The following GRIK1 variants were observed in gnomAD, a reference collection of about 807,000 sequenced individuals.
GRIK1 encodes the protein glutamate ionotropic receptor kainate type subunit 1.
In GRIK1, 69 loss-of-function variants were observed where a neutral mutation model predicts 105.7. The ratio of observed to expected loss-of-function variants is 0.65; its 90% CI spans 0.54 to 0.80. GRIK1 has a LOEUF of 0.80. GRIK1 is among the 30% of genes least tolerant of loss of function. The probability of loss-of-function intolerance (pLI) is 0.00; values close to 1 mark genes in which losing one functional copy is unlikely to be tolerated. For missense variants in GRIK1, 1,109 were observed against 1,167.3 expected (o/e 0.95, Z 0.73); for synonymous variants, 438 against 431.3 (o/e 1.02, Z -0.19).
intron 1 of GRIK1, among the ~76,000 whole-genome samples, chr21:29,908,964 A>G (rs998371605): frequency 6.6e-6 from 1 of 152,214 alleles, no homozygotes; most frequent in East Asian, 1.9e-4. Context: ...CATATGAACA[A>G]ACTAAGTAAA....
intron 3 of GRIK1, among the ~76,000 whole-genome samples, chr21:29,685,376 G>C (rs2063469088): frequency 6.6e-6 from 1 of 151,980 alleles, no homozygotes; most frequent in Non-Finnish European, 1.5e-5. Flanking sequence ...AGAGAAGAGA[G>C]ACAGGCAAAA....
intron 1 of GRIK1, among the ~76,000 whole-genome samples, chr21:29,729,310 G>A (rs1340646520): frequency 6.6e-6 from 1 of 152,008 alleles, no homozygotes; most frequent in Non-Finnish European, 1.5e-5. Flanking sequence ...CAGCAGAAAA[G>A]TCAAAAAAAG....
Position 29,537,224 on chromosome 21 carries a change from C to G in GRIK1, c.*6G>C. 10 of 1,580,080 alleles carry G rather than the reference C, an allele frequency of 6.3e-6. No individual in the cohort carries two copies. Among genetic ancestry groups the G allele is most frequent in the Non-Finnish European group, 8.6e-6 (10 of 1,168,142 alleles). On this transcript the variant is annotated 3_prime_UTR_variant, in exon 18 of 18. Coordinates refer to ENST00000327783, the MANE Select transcript of GRIK1 (RefSeq NM_001330994.2). ...TCCTTTTTCTTCCTACAGGCGTTTC[C>G]TTGGATCACGCCACAGTCTCTTTTC...
At chr21:29,734,822 C>G (rs944757111) in intron 1 of GRIK1, among the ~76,000 whole-genome samples, 1 of 152,146 alleles carries the variant, frequency 6.6e-6, no homozygotes, top group Non-Finnish European at 1.5e-5. Context: ...ACTAATTCCC[C>G]ACCATTTTGC....
rs1432148094 is a variant in GRIK1 at position 29,681,923 on chromosome 21, C to T, written c.544+7805G>A. ...GCATCACGATGGGACAGTGCAGTGG[C>T]AATTTGTGTTTTAGAAAAGCAATTT... On this transcript the variant is annotated intron_variant, in intron 3 of 17. Coordinates refer to ENST00000327783, the MANE Select transcript of GRIK1 (RefSeq NM_001330994.2). Among the ~76,000 whole-genome samples, 4 of 152,156 alleles carry T rather than the reference C, an allele frequency of 2.6e-5. No individual in the cohort carries two copies. In the East Asian group the frequency reaches 7.7e-4, roughly 29 times the overall value.
intron 1 of GRIK1, among the ~76,000 whole-genome samples, chr21:29,925,261 G>A (rs975826535): frequency 1.3e-5 from 2 of 152,108 alleles, no homozygotes; most frequent in African/African-American, 2.4e-5. Flanking sequence ...ATTTGTTTAA[G>A]CAACCAGACC....
chr21:29,753,657 A>G (rs1288566667), intron 1 of GRIK1, among the ~76,000 whole-genome samples: 1 of 152,216 alleles, frequency 6.6e-6, no homozygotes, highest in Non-Finnish European at 1.5e-5. Flanking sequence ...CTAGAGTATA[A>G]AAGCAGATAC....
At chr21:29,817,033 T>A (rs2067172640) in intron 1 of GRIK1, among the ~76,000 whole-genome samples, 1 of 152,106 alleles carries the variant, frequency 6.6e-6, no homozygotes, top group African/African-American at 2.4e-5. Context: ...CATCAAAATA[T>A]CAGATGTACC....
intron 1 of GRIK1, among the ~76,000 whole-genome samples, chr21:29,867,481 C>G (rs1368412877): frequency 6.6e-6 from 1 of 151,978 alleles, no homozygotes; most frequent in Non-Finnish European, 1.5e-5. Flanking sequence ...CTTCATTATT[C>G]CATCACCACG....
intron 3 of GRIK1, among the ~76,000 whole-genome samples, chr21:29,676,070 C>A (rs1158938793): frequency 6.6e-6 from 1 of 152,304 alleles, no homozygotes; most frequent in Admixed American, 6.5e-5. Context: ...ATATGACCAT[C>A]AACTTTTACA....
At chr21:29,655,404 G>A (rs953380133) in intron 4 of GRIK1, among the ~76,000 whole-genome samples, 7 of 149,670 alleles carry the variant, frequency 4.7e-5, no homozygotes, top group African/African-American at 7.4e-5. Flanking sequence ...GGGAAACTCC[G>A]TCTCAAAAAA....
At chr21:29,724,226 ATT>A (rs764957086) in intron 1 of GRIK1, among the ~76,000 whole-genome samples, 3 of 152,216 alleles carry the variant, frequency 2.0e-5, no homozygotes, top group Non-Finnish European at 2.9e-5. Context: ...AATGTCCCAA[ATT>A]TTGCAACTGA....
rs531753585 is a variant in GRIK1, at chr21:29,563,651, G to A, written c.2131-1802C>T. 8.9e-4 allele frequency among the ~76,000 whole-genome samples: 136 copies of A among 152,286 alleles called. 5 individuals are homozygous for A. The South Asian group carries it at 0.027, about 31-fold the overall frequency. On this transcript the variant is annotated intron_variant, in intron 14 of 17. Coordinates refer to ENST00000327783, the MANE Select transcript of GRIK1 (RefSeq NM_001330994.2). ...TAGTAAAAGAGCTACTCATACAAGC[G>A]CAGAAAGGTCAGTCTATCTTGTGGC...
At chr21:29,819,233 C>T (rs867240789) in intron 1 of GRIK1, among the ~76,000 whole-genome samples, 3 of 152,076 alleles carry the variant, frequency 2.0e-5, no homozygotes, top group Admixed American at 6.6e-5. Flanking sequence ...ATCCCTTCTT[C>T]CCATCTCACC....
intron 3 of GRIK1, among the ~76,000 whole-genome samples, chr21:29,684,252 CTCTA>C (rs59976698): frequency 0.31 from 46,029 of 149,226 alleles, 7,076 homozygotes; most frequent in Middle Eastern, 0.39. Flanking sequence ...AATCTATCAT[CTCTA>C]TCTATCTATC....
chr21:29,859,508 A>G (rs1243582973), intron 1 of GRIK1, among the ~76,000 whole-genome samples: 1 of 152,224 alleles, frequency 6.6e-6, no homozygotes, highest in Non-Finnish European at 1.5e-5. Flanking sequence ...TCACAGAATG[A>G]TAGTCAACAG....
intron 1 of GRIK1, among the ~76,000 whole-genome samples, chr21:29,861,936 AT>A (rs1569168580): frequency 6.6e-6 from 1 of 152,064 alleles, no homozygotes; most frequent in Non-Finnish European, 1.5e-5. Flanking sequence ...TATGTTTTCA[AT>A]TTTTAATTTT....
At chr21:29,679,834 C>T (rs2063338270) in intron 3 of GRIK1, among the ~76,000 whole-genome samples, 1 of 152,168 alleles carries the variant, frequency 6.6e-6, no homozygotes, top group Admixed American at 6.5e-5. Flanking sequence ...TCAATATTTT[C>T]TCAGACTGGA....
rs528038597 is a variant in GRIK1 at position 29,653,331 on chromosome 21, A to C, written c.780+1479T>G. Among the ~76,000 whole-genome samples, 3 of 152,330 alleles carry C rather than the reference A, an allele frequency of 2.0e-5. No individual in the cohort carries two copies. In the East Asian group the frequency reaches 5.8e-4, roughly 29 times the overall value. Reference sequence around the variant, plus strand: ...AATGACATACATTAAACATGTGCAAAATTAGGTTGTCCTACAATTTAGGGT... The same window carrying C: ...AATGACATACATTAAACATGTGCAACATTAGGTTGTCCTACAATTTAGGGT... On this transcript the variant is annotated intron_variant, in intron 5 of 17. Transcript: ENST00000327783.
Sources: gnomAD v4.1 joint callset for allele counts (sites outside exome capture counted in the v4.1 genomes callset) on GRCh38, gnomAD v4.1.1 for gene constraint, MANE v1.5 for transcripts, NCBI Gene and HGNC (gene_info 2026-07-23, HGNC 2026-07-21) for gene names.